Variants in FGF20 observed in about 807,000 individuals in gnomAD.
FGF20 encodes the protein fibroblast growth factor 20.
Under a neutral mutation model 16.7 loss-of-function variants are expected in FGF20, and 8 were observed. That is an observed-to-expected ratio of 0.48 (90% confidence interval 0.28 to 0.87). FGF20 has a LOEUF of 0.87. Among genes scored for constraint, FGF20 ranks in the 40% least tolerant of loss-of-function variants. FGF20 has a pLI of 0.10. For missense variants in FGF20, 397 were observed against 281.4 expected (o/e 1.41, Z -2.94); for synonymous variants, 161 against 118.6 (o/e 1.36, Z -2.32).
At chr8:16,996,581 A>AT (rs1810052327) in intron 1 of FGF20, among the ~76,000 whole-genome samples, 1 of 152,134 alleles carries the variant, frequency 6.6e-6, no homozygotes, top group Admixed American at 6.5e-5. Context: ...AATTATAACC[A>AT]TTTTCTATTC....
At chr8:17,001,419 G>A (rs185335863) in intron 1 of FGF20, among the ~76,000 whole-genome samples, 77 of 152,280 alleles carry the variant, frequency 5.1e-4, no homozygotes, top group African/African-American at 1.6e-3. Flanking sequence ...GAGTGCACCA[G>A]GTCTTGGTGT....
chr8:16,995,543 A>C (rs1023324355), intron 2 of FGF20, 112 bp downstream of exon 2: 62 of 463,662 alleles, frequency 1.3e-4, no homozygotes, highest in Non-Finnish European at 4.1e-5. Context: ...TTTCTACGTA[A>C]GTATGTTTTA....
At chr8:17,001,606 T>A in intron 1 of FGF20, 141 bp downstream of exon 1, 5 of 957,344 alleles carry the variant, frequency 5.2e-6, no homozygotes, top group Non-Finnish European at 7.0e-6. Flanking sequence ...AGCCTGCGTC[T>A]TGCACCGGAT....
chr8:16,993,728 T>C (rs906357778), intron 2 of FGF20, among the ~76,000 whole-genome samples: 3 of 152,128 alleles, frequency 2.0e-5, no homozygotes, highest in Admixed American at 6.6e-5. Flanking sequence ...CCTGAGCTTG[T>C]TTTCTTGCAA....
intron 1 of FGF20, among the ~76,000 whole-genome samples, chr8:17,000,772 C>G (rs1810162078): frequency 6.6e-6 from 1 of 151,866 alleles, no homozygotes; most frequent in African/African-American, 2.4e-5. Context: ...AAGTCATTAA[C>G]AGGAGAGACC....
In FGF20 at chr8:16,993,020, G is replaced by C. The variant is rs975773082; in HGVS notation, c.*52C>G. On this transcript the variant is annotated 3_prime_UTR_variant, in exon 3 of 3. Coordinates refer to ENST00000180166, the MANE Select transcript of FGF20 (RefSeq NM_019851.3). Reference sequence around the variant, plus strand: ...GTCATTATTTTATGATGGGAACTATGACAAGAAAGAATGGTTGTGGTTTGA... The same window carrying C: ...GTCATTATTTTATGATGGGAACTATCACAAGAAAGAATGGTTGTGGTTTGA... The C allele has an allele frequency of 5.7e-6, 9 of 1,578,594 alleles. No individual in the cohort carries two copies. Among genetic ancestry groups the C allele is most frequent in the Non-Finnish European group, 5.2e-6 (6 of 1,163,012 alleles).
In FGF20 at chr8:17,002,345, T is replaced by A. The variant is rs964324923; in HGVS notation, c.-313A>T. The stretch of plus-strand genomic sequence containing the variant: ...ATTCCGCAAACTGATCAGATCAGAG[T>A]CCTGTGTACATACACACCGAGTATA... On this transcript the variant is annotated 5_prime_UTR_variant, in exon 1 of 3. Coordinates refer to ENST00000180166, the MANE Select transcript of FGF20 (RefSeq NM_019851.3). Among the ~76,000 whole-genome samples the A allele has an allele frequency of 2.6e-5, 4 of 152,072 alleles. No homozygotes were observed. The highest frequency in any genetic ancestry group is 9.7e-5 in the African/African-American group (4 of 41,428).
rs1810016986 is a variant in FGF20 at position 16,995,300 on chromosome 8, C to A, written c.390+355G>T. ...GATGATAACAGGTAGAGAAAGTTTACCTTAAATAAACATAAAGGTGAGAGA... is the reference window on the plus strand; with the variant it reads ...GATGATAACAGGTAGAGAAAGTTTAACTTAAATAAACATAAAGGTGAGAGA... On this transcript the variant is annotated intron_variant, in intron 2 of 2. Coordinates refer to ENST00000180166, the MANE Select transcript of FGF20 (RefSeq NM_019851.3). Among the ~76,000 whole-genome samples, 3 of 152,060 alleles carry A rather than the reference C, an allele frequency of 2.0e-5. No individual in the cohort carries two copies. The South Asian group carries it at 6.2e-4, about 31-fold the overall frequency.
chr8:16,993,048 C>G lies in FGF20; in HGVS notation c.*24G>C. Reference sequence around the variant, plus strand: ...AAGAAAGAATGGTTGTGGTTTGACTCTTCCATAATGTCACTATCGCACTTC... The same window carrying G: ...AAGAAAGAATGGTTGTGGTTTGACTGTTCCATAATGTCACTATCGCACTTC... On this transcript the variant is annotated 3_prime_UTR_variant, in exon 3 of 3. Coordinates refer to ENST00000180166, the MANE Select transcript of FGF20 (RefSeq NM_019851.3). 2 of 1,607,070 alleles carry G rather than the reference C, an allele frequency of 1.2e-6. No homozygotes were observed. The highest frequency in any genetic ancestry group is 2.2e-5 in the South Asian group (2 of 89,956).
In FGF20 at chr8:17,001,980, C is replaced by T; in HGVS notation, c.53G>A (p.Gly18Asp). Residue 18 changes from glycine (G) to aspartate (D), a missense_variant, in exon 1 of 3, where the codon GGC becomes GAC. By Grantham distance (94) the Gly-to-Asp change is moderately conservative. Coordinates refer to ENST00000180166, the MANE Select transcript of FGF20 (RefSeq NM_019851.3). ...CAGGAAATGCGAACCCACCTGCTGGCCCAAGCCCTCCAGGCCGCCCAGAAA... is the reference window on the plus strand; with the variant it reads ...CAGGAAATGCGAACCCACCTGCTGGTCCAAGCCCTCCAGGCCGCCCAGAAA... Reference protein sequence around the residue: ...GGFLGGLEGLGQQVGSHFLLP... With the variant: ...GGFLGGLEGLDQQVGSHFLLP... 6.6e-7 allele frequency: 1 copy of T among 1,517,514 alleles called. No individual in the cohort carries two copies. The highest frequency in any genetic ancestry group is 1.2e-5 in the South Asian group (1 of 81,390). 94.0% of individuals were successfully genotyped at this position (1,517,514 alleles called of 1,614,324 possible).
Position 16,999,700 on chromosome 8 carries a change from T to TG in FGF20, c.286+2046_286+2047insC, listed in dbSNP as rs1220477864. 1.8e-3 allele frequency among the ~76,000 whole-genome samples: 263 copies of TG among 148,486 alleles called. 1 individual carries two copies. Among genetic ancestry groups the TG allele is most frequent in the African/African-American group, 6.3e-3 (253 of 40,380 alleles). On this transcript the variant is annotated intron_variant, in intron 1 of 2. Coordinates refer to ENST00000180166, the MANE Select transcript of FGF20 (RefSeq NM_019851.3). ...ACACGCCCAGCTAATTTTTTTTTTT[T>TG]TTTTGTATTTTTTGTATTTTTAGTA...
Position 16,995,679 on chromosome 8 carries a change from A to G in FGF20, c.366T>C (p.Asn122=), listed in dbSNP as rs1249172999. 6.3e-7 allele frequency: 1 copy of G among 1,590,816 alleles called. No homozygotes were observed. Among genetic ancestry groups the G allele is most frequent in the Admixed American group, 1.7e-5 (1 of 58,788 alleles). Residue 122 remains asparagine (N), a synonymous_variant, in exon 2 of 3, where the codon AAT becomes AAC. Transcript: ENST00000180166. ...CTGATCCATAGAGTTCTCCTTTGTC[A>G]TTCATTCCAAGATAGAGACCACTGT... is the stretch of plus-strand genomic sequence containing the variant. ...GVDSGLYLGM[N]DKGELYGSEK...
chr8:17,000,350 A>G (rs982527727), intron 1 of FGF20, among the ~76,000 whole-genome samples: 1 of 152,140 alleles, frequency 6.6e-6, no homozygotes, highest in Non-Finnish European at 1.5e-5. Flanking sequence ...CCACATGCTT[A>G]TTTCTACATC....
chr8:16,993,976 C>T (rs1809981754), intron 2 of FGF20, among the ~76,000 whole-genome samples: 2 of 152,154 alleles, frequency 1.3e-5, no homozygotes, highest in Admixed American at 6.5e-5. Context: ...TGCTGCTCAC[C>T]TCCTGCTGTG....
rs1006579966 is a variant in FGF20 at position 17,002,115 on chromosome 8, T to C, written c.-83A>G. 1.1e-5 allele frequency: 15 copies of C among 1,393,120 alleles called. No individual in the cohort carries two copies. In the Admixed American group the frequency reaches 2.8e-4, roughly 26 times the overall value. 86.3% of individuals were successfully genotyped at this position (1,393,120 alleles called of 1,614,324 possible). A position where few individuals can be genotyped will look rare whatever the true frequency, so the allele number is the denominator to read the frequency against. On this transcript the variant is annotated 5_prime_UTR_variant, in exon 1 of 3. Transcript: ENST00000180166. ...GATGGAGGTGGATAGAGAAAAATTA[T>C]AGCAAAACGAGCGCAAAAAGTTAAG...
intron 2 of FGF20, among the ~76,000 whole-genome samples, 161 bp downstream of exon 2, chr8:16,995,494 T>A (rs1370440945): frequency 6.6e-6 from 1 of 152,200 alleles, no homozygotes; most frequent in African/African-American, 2.4e-5. Flanking sequence ...TACTATACTA[T>A]TGCCCAGACA....
Position 17,002,063 on chromosome 8 carries a change from C to T in FGF20, c.-31G>A. ...GGGAGATCCGGAACACAAAAGACCC[C>T]CCCAGTAAAGAGTGTTGTGGGGGTG... On this transcript the variant is annotated 5_prime_UTR_variant, in exon 1 of 3. Transcript: ENST00000180166. The T allele has an allele frequency of 2.0e-6, 3 of 1,507,002 alleles. No homozygotes were observed. In the Admixed American group the frequency reaches 7.0e-5, roughly 35 times the overall value. The allele number at this position is 1,507,002 out of a possible 1,614,324, so 93.4% of individuals were successfully genotyped here.
At chr8:16,998,432 C>T (rs533983871) in intron 1 of FGF20, among the ~76,000 whole-genome samples, 1 of 151,976 alleles carries the variant, frequency 6.6e-6, no homozygotes, top group South Asian at 2.1e-4. Context: ...AATTTGTAAT[C>T]ATTTGATTCT....
chr8:16,993,118 G>A lies in FGF20; in HGVS notation c.590C>T (p.Pro197Leu). ...FTHFLPRPVD[P>L]ERVPELYKDL... ...CTTGTACAATTCTGGAACTCTTTCT[G>A]GATCCACTGGTCTAGGTAAGAAATG... is the stretch of plus-strand genomic sequence containing the variant. Residue 197 changes from proline to leucine, a missense_variant, in exon 3 of 3, where the codon CCA becomes CTA. Pro to Leu is a moderately conservative substitution (Grantham distance 98, BLOSUM62 -3). Transcript: ENST00000180166. 1.9e-6 allele frequency: 3 copies of A among 1,613,978 alleles called. No homozygotes were observed. Among genetic ancestry groups the A allele is most frequent in the Non-Finnish European group, 1.7e-6 (2 of 1,179,952 alleles).
Sources: gnomAD v4.1 joint callset for allele counts (sites outside exome capture counted in the v4.1 genomes callset) on GRCh38, gnomAD v4.1.1 for gene constraint, MANE v1.5 for transcripts, NCBI Gene and HGNC (gene_info 2026-07-23, HGNC 2026-07-21) for gene names.